GFOD1: variants seen among roughly 807,000 people sequenced by gnomAD.
GFOD1 encodes the protein glucose-fructose oxidoreductase domain-containing protein 1.
A neutral mutation model predicts 25.4 loss-of-function variants in GFOD1; 9 were observed. That is an observed-to-expected ratio of 0.35 (90% CI 0.21 to 0.62). The LOEUF is 0.62. Ranked by LOEUF, GFOD1 falls within the 20% of genes least tolerant of loss-of-function variation. GFOD1 has a pLI of 0.72. For missense variants in GFOD1, 403 were observed against 556.9 expected, an observed-to-expected ratio of 0.72 and a Z score of 2.78; for synonymous variants, 253 against 245.6, an observed-to-expected ratio of 1.03 and a Z score of -0.28.
rs1233644726 is a variant in GFOD1 at position 13,364,797 on chromosome 6, G to A, written c.1119C>T (p.Pro373=). ...GCATGGCCTCGCTGATCAGGTAGGCGGGGCTCAGCTCCGGCTCCTCGGTCA... is the reference window on the plus strand; with the variant it reads ...GCATGGCCTCGCTGATCAGGTAGGCAGGGCTCAGCTCCGGCTCCTCGGTCA... ...AIMTEEPELS[P]AYLISEAMRR... Residue 373 remains proline, a synonymous_variant, in exon 2 of 2, where the codon CCC becomes CCT. Coordinates refer to ENST00000379287, the MANE Select transcript of GFOD1 (RefSeq NM_018988.4). This position sits in a 1 kb window ranked among gnomAD's most constrained non-coding sequence, Gnocchi z 4.1. 2 of 1,613,814 alleles carry A rather than the reference G, an allele frequency of 1.2e-6. No homozygotes were observed. The highest frequency in any genetic ancestry group is 1.3e-5 in the African/African-American group (1 of 74,922).
In GFOD1 at chr6:13,365,594, C is replaced by A. The variant is rs748580494; in HGVS notation, c.322G>T (p.Ala108Ser). 7 of 1,606,404 alleles carry A rather than the reference C, an allele frequency of 4.4e-6. No homozygotes were observed. The highest frequency in any genetic ancestry group is 4.2e-6 in the Non-Finnish European group (5 of 1,179,830). The stretch of plus-strand genomic sequence containing the variant: ...CTCATGAGCTTGGGGTAGTAGTGGG[C>A]GGCCGAGGTCATGCGGAAAGCGTCC... ...PLDAFRMTSA[A>S]HYYPKLMSIM... The change falls in exon 2 of 2, where the codon GCC becomes TCC. Residue 108 changes from alanine (A) to serine (S), a missense_variant. Ala to Ser is a moderately conservative substitution (Grantham distance 99). Coordinates refer to ENST00000379287, the MANE Select transcript of GFOD1 (RefSeq NM_018988.4). This position sits in a 1 kb window ranked among gnomAD's most constrained non-coding sequence, Gnocchi z 9.2.
intron 1 of GFOD1, among the ~76,000 whole-genome samples, chr6:13,442,214 T>G (rs1757929263): frequency 6.6e-6 from 1 of 152,246 alleles, no homozygotes; most frequent in African/African-American, 2.4e-5. Flanking sequence ...TAGCTTGACT[T>G]AGCCATTCCA....
rs747483230 is a variant in GFOD1, at chr6:13,365,692, G to C, written c.254-30C>G. ...GGGTGGGAGGAAGACAGCGGTCAGC[G>C]GGGCAGGACCATGTCCGAGCGCGCG... is the stretch of plus-strand genomic sequence containing the variant. On this transcript the variant is annotated intron_variant, in intron 1 of 1. Transcript: ENST00000379287. This position sits in a 1 kb window ranked among gnomAD's most constrained non-coding sequence, Gnocchi z 9.2. The C allele has an allele frequency of 1.3e-6, 2 of 1,500,582 alleles. No individual in the cohort carries two copies. Among genetic ancestry groups the C allele is most frequent in the Non-Finnish European group, 1.8e-6 (2 of 1,095,396 alleles). 93.0% of individuals were successfully genotyped at this position (1,500,582 alleles called of 1,614,324 possible).
intron 1 of GFOD1, among the ~76,000 whole-genome samples, chr6:13,426,831 G>A (rs1376086073): frequency 6.6e-6 from 1 of 152,192 alleles, no homozygotes; most frequent in East Asian, 1.9e-4. Context: ...GCTTTCTCTT[G>A]TTCTGGCAAC....
At chr6:13,383,545 C>T (rs1295897438) in intron 1 of GFOD1, among the ~76,000 whole-genome samples, 1 of 152,224 alleles carries the variant, frequency 6.6e-6, no homozygotes, top group Non-Finnish European at 1.5e-5. Context: ...TGGGATGGAA[C>T]TGTGGGTGGC....
At chr6:13,428,691 AG>A (rs993652734) in intron 1 of GFOD1, among the ~76,000 whole-genome samples, 1 of 87,808 alleles carries the variant, frequency 1.1e-5, no homozygotes, top group Non-Finnish European at 3.5e-5. Context: ...GAGGGAGTCC[AG>A]GCCCCCTCCC....
intron 1 of GFOD1, among the ~76,000 whole-genome samples, chr6:13,475,990 G>C (rs1379112508): frequency 6.6e-6 from 1 of 152,176 alleles, no homozygotes; most frequent in Non-Finnish European, 1.5e-5. Context: ...TATGTTGCTA[G>C]TGGGAATGTA....
At chr6:13,466,695 G>A (rs968890131) in intron 1 of GFOD1, among the ~76,000 whole-genome samples, 1 of 152,020 alleles carries the variant, frequency 6.6e-6, no homozygotes, top group Non-Finnish European at 1.5e-5. Flanking sequence ...TTTCCTTGGT[G>A]CAGTGGACCA....
At chr6:13,434,197 C>G (rs1254210270) in intron 1 of GFOD1, among the ~76,000 whole-genome samples, 2 of 151,506 alleles carry the variant, frequency 1.3e-5, no homozygotes, top group African/African-American at 4.9e-5. Flanking sequence ...GAATCAAGTG[C>G]ATGGCATTAT....
chr6:13,453,393 G>C (rs992436209), intron 1 of GFOD1, among the ~76,000 whole-genome samples: 1 of 152,194 alleles, frequency 6.6e-6, no homozygotes, highest in Non-Finnish European at 1.5e-5. Flanking sequence ...CATGTACAGC[G>C]AGGCTTGAAT....
chr6:13,472,201 A>AGATGGACCAAAGTAAAC, intron 1 of GFOD1, among the ~76,000 whole-genome samples: 1 of 152,202 alleles, frequency 6.6e-6, no homozygotes, highest in East Asian at 1.9e-4. Context: ...ACACATGGGA[A>AGATGGACCAAAGTAAAC]TTCTGGGAGA....
At chr6:13,382,347 T>TGG (rs57799706) in intron 1 of GFOD1, among the ~76,000 whole-genome samples, 2,593 of 143,534 alleles carry the variant, frequency 0.018, 58 homozygotes, top group African/African-American at 0.045. Context: ...AATTGAATCA[T>TGG]GGGGGGGGGG....
Position 13,487,591 on chromosome 6 carries a change from C to T in GFOD1, c.-701G>A, listed in dbSNP as rs1366430193. On this transcript the variant is annotated 5_prime_UTR_variant, in exon 1 of 2. Transcript: ENST00000379287. The surrounding 1 kb of genome is among the most constrained non-coding windows in gnomAD (Gnocchi z 4.9). ...TCGGGCGGCCTCGGCCCCAGGCCGGCTCAGGCTCTGGGATCCCGCGGGGAC... is the reference window on the plus strand; with the variant it reads ...TCGGGCGGCCTCGGCCCCAGGCCGGTTCAGGCTCTGGGATCCCGCGGGGAC... 1.3e-5 allele frequency: 2 copies of T among 152,030 alleles called. No homozygotes were observed. Among genetic ancestry groups the T allele is most frequent in the African/African-American group, 4.8e-5 (2 of 41,406 alleles). The allele number at this position is 152,030 out of a possible 1,614,324, so 9.4% of individuals were successfully genotyped here. A position where few individuals can be genotyped will look rare whatever the true frequency, so the allele number is the denominator to read the frequency against.
rs201049420 is a variant in GFOD1, at chr6:13,480,541, GTC to G, written c.253+6095_253+6096del. ...GGTTTTTATTTTATTTTGAGGCAGG[GTC>G]TCACTCTGTCGCCCAGACTGGAGTG... On this transcript the variant is annotated intron_variant, in intron 1 of 1. Transcript: ENST00000379287. Among the ~76,000 whole-genome samples, 647 of 152,238 alleles carry G rather than the reference GTC, an allele frequency of 4.2e-3. 4 individuals are homozygous for G. Among genetic ancestry groups the G allele is most frequent in the African/African-American group, 0.015 (631 of 41,532 alleles).
At chr6:13,481,065 A>T (rs1472360159) in intron 1 of GFOD1, among the ~76,000 whole-genome samples, 1 of 152,224 alleles carries the variant, frequency 6.6e-6, no homozygotes, top group Admixed American at 6.5e-5. Context: ...CAAGGGTCCT[A>T]CCTTGAAATA....
intron 1 of GFOD1, among the ~76,000 whole-genome samples, chr6:13,441,590 C>A (rs1379387492): frequency 6.6e-6 from 1 of 152,164 alleles, no homozygotes; most frequent in African/African-American, 2.4e-5. Flanking sequence ...TTCATCAATA[C>A]GTTCTTGGAA....
rs138973489 is a variant in GFOD1 at position 13,398,129 on chromosome 6, T to C, written c.254-32467A>G. Among the ~76,000 whole-genome samples, 551 of 152,364 alleles carry C rather than the reference T, an allele frequency of 3.6e-3. 3 individuals are homozygous for C. Among genetic ancestry groups the C allele is most frequent in the African/African-American group, 0.013 (527 of 41,598 alleles). On this transcript the variant is annotated intron_variant, in intron 1 of 1. Coordinates refer to ENST00000379287, the MANE Select transcript of GFOD1 (RefSeq NM_018988.4). Reference sequence around the variant, plus strand: ...CTGTACTATACCGTATATTATGTTATGTACAATGTCAGTTACTGCTCTGAG... The same window carrying C: ...CTGTACTATACCGTATATTATGTTACGTACAATGTCAGTTACTGCTCTGAG...
At chr6:13,465,128 T>C (rs967508817) in intron 1 of GFOD1, among the ~76,000 whole-genome samples, 3 of 152,068 alleles carry the variant, frequency 2.0e-5, no homozygotes, top group Admixed American at 1.3e-4. Flanking sequence ...TAATTGATCA[T>C]CTAAAGCAGG....
At chr6:13,477,812 C>T (rs1450706337) in intron 1 of GFOD1, among the ~76,000 whole-genome samples, 7 of 151,918 alleles carry the variant, frequency 4.6e-5, no homozygotes, top group Admixed American at 4.6e-4. Flanking sequence ...ATGCCTGTAA[C>T]CCCAACACTT....
Sources: allele counts gnomAD v4.1 joint callset (sites outside exome capture counted in the v4.1 genomes callset), GRCh38; gene constraint gnomAD v4.1.1; non-coding constraint Gnocchi (gnomAD v3.1); transcripts MANE v1.5; gene names NCBI Gene and HGNC (gene_info 2026-07-23, HGNC 2026-07-21).